Variants in GLRA3 observed in about 807,000 individuals in gnomAD.
GLRA3 encodes the protein glycine receptor subunit alpha-3.
Under a neutral mutation model 60.4 loss-of-function variants are expected in GLRA3, and 44 were observed. That is an observed-to-expected ratio of 0.73 (90% CI 0.57 to 0.94). The LOEUF (loss-of-function observed/expected upper bound fraction) is 0.94, where lower values mean the gene tolerates loss of function less well. Ranked by LOEUF, GLRA3 falls within the 40% of genes least tolerant of loss-of-function variation. The pLI, the probability that GLRA3 is intolerant of heterozygous loss-of-function variation, is 0.00. For synonymous variants in GLRA3, 223 were observed against 192.9 expected, an observed-to-expected ratio of 1.16 and a Z score of -1.29; for missense variants, 508 against 564.6, an observed-to-expected ratio of 0.90 and a Z score of 1.02.
In GLRA3 at chr4:174,643,841, T is replaced by C. The variant is rs1477279041; in HGVS notation, c.1340A>G (p.Tyr447Cys). ...PLAFLIFNIF[Y>C]WVIYKILRHE... The stretch of plus-strand genomic sequence containing the variant: ...CCTAAGAATTTTATAGATAACCCAG[T>C]AGAAAATATTAAAAATCAAAAAAGC... Residue 447 changes from tyrosine to cysteine, a missense_variant, in exon 10 of 10, where the codon TAC becomes TGC. Physicochemically the swap from Tyr to Cys is radical, Grantham distance 194 (BLOSUM62 -2). Transcript: ENST00000274093. 6.2e-7 allele frequency: 1 copy of C among 1,613,654 alleles called. No homozygotes were observed.
chr4:174,710,092 C>T (rs1735660327), intron 5 of GLRA3, among the ~76,000 whole-genome samples: 1 of 151,514 alleles, frequency 6.6e-6, no homozygotes, highest in African/African-American at 2.4e-5. Flanking sequence ...TTGTCTTTCT[C>T]TGTTTCACTT....
In GLRA3 at chr4:174,746,741, T is replaced by C. The variant is rs534746036; in HGVS notation, c.268-18043A>G. Among the ~76,000 whole-genome samples, 3 of 152,288 alleles carry C rather than the reference T, an allele frequency of 2.0e-5. No homozygotes were observed. In the South Asian group the frequency reaches 6.2e-4, roughly 32 times the overall value. On this transcript the variant is annotated intron_variant, in intron 3 of 9. Transcript: ENST00000274093. ...TTCTGATACCAATACATAAAAATGGTAAACCCATGTGAAAATGATGTATGC... is the reference window on the plus strand; with the variant it reads ...TTCTGATACCAATACATAAAAATGGCAAACCCATGTGAAAATGATGTATGC...
At chr4:174,686,930 T>C (rs1202386218) in intron 5 of GLRA3, among the ~76,000 whole-genome samples, 1 of 152,208 alleles carries the variant, frequency 6.6e-6, no homozygotes, top group Admixed American at 6.5e-5. Flanking sequence ...TTTTGATCAT[T>C]GGAATCTTTT....
At chr4:174,679,160 T>C (rs1734241596) in intron 6 of GLRA3, among the ~76,000 whole-genome samples, 1 of 151,912 alleles carries the variant, frequency 6.6e-6, no homozygotes, top group Non-Finnish European at 1.5e-5. Context: ...TGCAACCCCG[T>C]CTCTACTAAA....
At chr4:174,784,850 TA>T (rs533604484) in intron 2 of GLRA3, among the ~76,000 whole-genome samples, 53 of 152,250 alleles carry the variant, frequency 3.5e-4, no homozygotes, top group Middle Eastern at 6.8e-3. Flanking sequence ...TATGTCAAAT[TA>T]TCCTAAAGGC....
At chr4:174,692,193 C>A (rs796783371) in intron 5 of GLRA3, among the ~76,000 whole-genome samples, 61,263 of 148,842 alleles carry the variant, frequency 0.41, 13,258 homozygotes, top group Middle Eastern at 0.52. Flanking sequence ...CGTCTCCACC[C>A]AGCAGCCACC....
At chr4:174,676,503 C>A (rs888170721) in intron 7 of GLRA3, among the ~76,000 whole-genome samples, 6 of 151,966 alleles carry the variant, frequency 3.9e-5, no homozygotes, top group African/African-American at 1.5e-4. Flanking sequence ...GAACATAATA[C>A]AAAATATGTG....
rs1418112488 is a variant in GLRA3 at position 174,643,927 on chromosome 4, C to T, written c.1254G>A (p.Arg418=). 1 of 1,614,042 alleles carries T rather than the reference C, an allele frequency of 6.2e-7. No homozygotes were observed. The highest frequency in any genetic ancestry group is 2.2e-5 in the East Asian group (1 of 44,864). The change falls in exon 10 of 10, where the codon AGG becomes AGA. Residue 418 remains arginine (R), a synonymous_variant. Coordinates refer to ENST00000274093, the MANE Select transcript of GLRA3 (RefSeq NM_006529.4). The part of the protein sequence containing the change: ...QVMPKSPDEM[R]KVFIDRAKKI... ...TCTTGGCCCGGTCGATAAAGACCTT[C>T]CTCATTTCATCAGGACTTTTTGGCA...
chr4:174,646,473 A>G (rs1732820463), intron 9 of GLRA3, among the ~76,000 whole-genome samples: 1 of 152,134 alleles, frequency 6.6e-6, no homozygotes, highest in Non-Finnish European at 1.5e-5. Flanking sequence ...TACAGGGGGA[A>G]TTGGAGTCGG....
chr4:174,699,614 T>G (rs1229777435), intron 5 of GLRA3, among the ~76,000 whole-genome samples: 1 of 152,142 alleles, frequency 6.6e-6, no homozygotes, highest in African/African-American at 2.4e-5. Flanking sequence ...TAAGTTAGTA[T>G]GTTTTCAAAT....
intron 2 of GLRA3, among the ~76,000 whole-genome samples, chr4:174,777,760 A>G (rs1738659723): frequency 6.6e-6 from 1 of 152,174 alleles, no homozygotes; most frequent in Non-Finnish European, 1.5e-5. Flanking sequence ...AATATACCAC[A>G]TGAATATGAA....
At chr4:174,784,701 T>C (rs928271575) in intron 2 of GLRA3, among the ~76,000 whole-genome samples, 7 of 152,166 alleles carry the variant, frequency 4.6e-5, no homozygotes, top group African/African-American at 1.4e-4. Flanking sequence ...TCAGCTTTAC[T>C]TTCTAATTCT....
At chr4:174,679,983 T>C (rs1366715424) in intron 6 of GLRA3, among the ~76,000 whole-genome samples, 1 of 152,066 alleles carries the variant, frequency 6.6e-6, no homozygotes, top group East Asian at 1.9e-4. Flanking sequence ...CATTTCAAAG[T>C]AGAAAGAAGA....
chr4:174,732,132 G>A (rs527360389), intron 3 of GLRA3, among the ~76,000 whole-genome samples: 3 of 152,254 alleles, frequency 2.0e-5, no homozygotes, highest in South Asian at 2.1e-4. Flanking sequence ...CGAGGTGGGC[G>A]GATCACGAGG....
chr4:174,826,322 C>G (rs1291171802), intron 1 of GLRA3, among the ~76,000 whole-genome samples: 1 of 152,024 alleles, frequency 6.6e-6, no homozygotes, highest in East Asian at 1.9e-4. Context: ...AAAAATAAAG[C>G]AGACTCAGAG....
At chr4:174,700,494 A>C (rs1378850648) in intron 5 of GLRA3, among the ~76,000 whole-genome samples, 1 of 152,200 alleles carries the variant, frequency 6.6e-6, no homozygotes, top group Admixed American at 6.5e-5. Context: ...ATGGCAAATT[A>C]TTAGCCAATT....
At chr4:174,766,025 A>G (rs1012669254) in intron 3 of GLRA3, among the ~76,000 whole-genome samples, 3 of 151,654 alleles carry the variant, frequency 2.0e-5, no homozygotes, top group Admixed American at 2.0e-4. Flanking sequence ...ACCTCTACAC[A>G]CACTTACACC....
intron 1 of GLRA3, among the ~76,000 whole-genome samples, chr4:174,824,541 T>C (rs1740881453): frequency 6.6e-6 from 1 of 152,238 alleles, no homozygotes; most frequent in East Asian, 1.9e-4. Context: ...GTTTTATTAA[T>C]GTAACTAGCT....
chr4:174,706,660 A>C (rs1230105317), intron 5 of GLRA3, among the ~76,000 whole-genome samples: 1 of 152,254 alleles, frequency 6.6e-6, no homozygotes. Context: ...GCAGGACAAG[A>C]GAAAGATAAA....
Sources: gnomAD v4.1 joint callset for allele counts (sites outside exome capture counted in the v4.1 genomes callset) on GRCh38, gnomAD v4.1.1 for gene constraint, MANE v1.5 for transcripts, NCBI Gene and HGNC (gene_info 2026-07-23, HGNC 2026-07-21) for gene names.